GLTP: variants seen among roughly 807,000 people sequenced by gnomAD.
GLTP encodes the protein glycolipid transfer protein.
A neutral mutation model predicts 24.0 loss-of-function variants in GLTP; 22 were observed. The observed-to-expected ratio is 0.92, with a 90% CI of 0.65 to 1.31. The LOEUF (loss-of-function observed/expected upper bound fraction) is 1.31. GLTP is among the 50% of genes most tolerant of loss of function. The pLI is 0.00. For missense variants in GLTP, 224 were observed against 276.6 expected, an observed-to-expected ratio of 0.81 and a Z score of 1.35; for synonymous variants, 92 against 115.9, an observed-to-expected ratio of 0.79 and a Z score of 1.33.
intron 1 of GLTP, among the ~76,000 whole-genome samples, chr12:109,863,616 C>G (rs1868430381): frequency 6.6e-6 from 1 of 152,228 alleles, no homozygotes; most frequent in South Asian, 2.1e-4. Context: ...GTTTTAAACA[C>G]CTATCCAACC....
chr12:109,852,577 G>C lies in GLTP; in HGVS notation c.608C>G (p.Ala203Gly). The C allele has an allele frequency of 6.2e-7, 1 of 1,610,332 alleles. No homozygotes were observed. The highest frequency in any genetic ancestry group is 1.7e-5 in the Admixed American group (1 of 59,990). The change falls in exon 5 of 5, where the codon GCT becomes GGT. Residue 203 changes from alanine to glycine, a missense_variant. Coordinates refer to ENST00000318348, the MANE Select transcript of GLTP (RefSeq NM_016433.4). ...TGCCTACACCTTGTAGTTAAGCTCA[G>C]CGTTCATCTGGGTGTACATCTCGTA... The part of the protein sequence containing the change: ...VIYEMYTQMN[A>G]ELNYKV
chr12:109,866,827 A>G (rs1230028806), intron 1 of GLTP, among the ~76,000 whole-genome samples: 11 of 147,118 alleles, frequency 7.5e-5, no homozygotes, highest in African/African-American at 2.0e-4. Flanking sequence ...TGGCACAATC[A>G]TGGCTCATTG....
At chr12:109,874,128 T>C (rs1196532995) in intron 1 of GLTP, among the ~76,000 whole-genome samples, 1 of 152,152 alleles carries the variant, frequency 6.6e-6, no homozygotes, top group Non-Finnish European at 1.5e-5. Flanking sequence ...ACAGCAGGCA[T>C]GACAGCAAGA....
chr12:109,871,118 C>T (rs908614453), intron 1 of GLTP, among the ~76,000 whole-genome samples: 5 of 141,054 alleles, frequency 3.5e-5, no homozygotes, highest in Admixed American at 1.5e-4. Flanking sequence ...GACGGACTCT[C>T]GCTCTGTCCC....
chr12:109,876,675 G>A (rs904445758), intron 1 of GLTP, among the ~76,000 whole-genome samples: 1 of 151,432 alleles, frequency 6.6e-6, no homozygotes. Context: ...GAGGAAGGAA[G>A]GAAGGAAAAG....
At chr12:109,852,777 G>A (rs771909767) in intron 4 of GLTP, 40 bp from the exon 5 acceptor site, 13 of 1,404,976 alleles carry the variant, frequency 9.3e-6, no homozygotes, top group Admixed American at 3.5e-5. Flanking sequence ...CAGCGTTAGC[G>A]GGGGCTGAGG....
intron 1 of GLTP, among the ~76,000 whole-genome samples, chr12:109,873,787 C>T (rs550027010): frequency 5.9e-5 from 9 of 152,156 alleles, no homozygotes; most frequent in East Asian, 1.9e-4. Flanking sequence ...CCAGTCTGGG[C>T]GATGAAGCAA....
chr12:109,872,606 C>T (rs1868759417), intron 1 of GLTP, among the ~76,000 whole-genome samples: 1 of 152,198 alleles, frequency 6.6e-6, no homozygotes, highest in Admixed American at 6.5e-5. Context: ...GTGGGACCCA[C>T]CAGCACGGCA....
chr12:109,874,638 C>A (rs1035182452), intron 1 of GLTP, among the ~76,000 whole-genome samples: 1 of 150,972 alleles, frequency 6.6e-6, no homozygotes, highest in African/African-American at 2.5e-5. Context: ...ATAAAGATGC[C>A]GAGGCTGTGT....
chr12:109,873,189 A>AT (rs978963166), intron 1 of GLTP, among the ~76,000 whole-genome samples: 10 of 131,552 alleles, frequency 7.6e-5, no homozygotes, highest in African/African-American at 3.2e-4. Context: ...CTTTAAATTT[A>AT]AAAAAAAAAA....
rs994298781 is a variant in GLTP at position 109,855,203 on chromosome 12, C to T, written c.447+416G>A. On this transcript the variant is annotated intron_variant, in intron 4 of 4. Coordinates refer to ENST00000318348, the MANE Select transcript of GLTP (RefSeq NM_016433.4). This position sits in a 1 kb window ranked among gnomAD's most constrained non-coding sequence, Gnocchi z 4.1. ...ACAAGCCACCAAGAACCCAGAGGGC[C>T]GGTGTCCTTTCAGCAGATGCTCCCA... 2.0e-5 allele frequency among the ~76,000 whole-genome samples: 3 copies of T among 152,180 alleles called. No individual in the cohort carries two copies. The highest frequency in any genetic ancestry group is 4.4e-5 in the Non-Finnish European group (3 of 68,034).
intron 4 of GLTP, 89 bp from the exon 5 acceptor site, chr12:109,852,826 C>T (rs1892745037): frequency 1.3e-6 from 1 of 791,812 alleles, no homozygotes; most frequent in Admixed American, 2.0e-5. Flanking sequence ...AGGGGTCTTC[C>T]CTGGGTCTGT....
rs1312870838 is a variant in GLTP at position 109,855,479 on chromosome 12, C to T, written c.447+140G>A. The T allele has an allele frequency of 3.0e-6, 2 of 677,910 alleles. No homozygotes were observed. The highest frequency in any genetic ancestry group is 4.8e-6 in the Non-Finnish European group (2 of 420,696). The allele number at this position is 677,910 out of a possible 1,614,324, so 42.0% of individuals were successfully genotyped here. A position where few individuals can be genotyped will look rare whatever the true frequency, so the allele number is the denominator to read the frequency against. On this transcript the variant is annotated intron_variant, in intron 4 of 4. Transcript: ENST00000318348. The surrounding 1 kb of genome is among the most constrained non-coding windows in gnomAD (Gnocchi z 4.1). ...GACCTCTCAGTACACTAGCCTCACC[C>T]AAATAGATGAGGGAGCCCTTCCTGA...
chr12:109,871,837 C>T (rs1446884299), intron 1 of GLTP, among the ~76,000 whole-genome samples: 1 of 152,200 alleles, frequency 6.6e-6, no homozygotes, highest in Admixed American at 6.5e-5. Context: ...GCTGGGCGCC[C>T]ATGCTGCAGA....
rs141773921 is a variant in GLTP at position 109,867,197 on chromosome 12, G to A, written c.104-8456C>T. ...AGAGTCTCACTCTATAGCCCAAGCC[G>A]GAGTGCAGTGGAGCAATCTCGGCTC... On this transcript the variant is annotated intron_variant, in intron 1 of 4. Coordinates refer to ENST00000318348, the MANE Select transcript of GLTP (RefSeq NM_016433.4). Among the ~76,000 whole-genome samples, 853 of 151,656 alleles carry A rather than the reference G, an allele frequency of 5.6e-3. 5 individuals carry two copies. Among genetic ancestry groups the A allele is most frequent in the South Asian group, 0.02 (97 of 4,776 alleles).
chr12:109,876,641 A>G (rs1868891846), intron 1 of GLTP, among the ~76,000 whole-genome samples: 1 of 149,204 alleles, frequency 6.7e-6, no homozygotes, highest in African/African-American at 2.5e-5. Flanking sequence ...GGAAGAAAAG[A>G]AAGAAGGAAA....
chr12:109,879,165 C>A (rs181155576), intron 1 of GLTP, among the ~76,000 whole-genome samples: 3 of 152,298 alleles, frequency 2.0e-5, no homozygotes, highest in African/African-American at 7.2e-5. Context: ...CCCTAACAAG[C>A]CTTCTTTGCC....
In GLTP at chr12:109,855,534, C is replaced by CCT; in HGVS notation, c.447+84_447+85insAG. 1 of 1,273,388 alleles carries CCT rather than the reference C, an allele frequency of 7.9e-7. No homozygotes were observed. Among genetic ancestry groups the CCT allele is most frequent in the Non-Finnish European group, 1.1e-6 (1 of 922,460 alleles). The allele number at this position is 1,273,388 out of a possible 1,614,324, so 78.9% of individuals were successfully genotyped here. ...GAGGGGGTAAACACAGCCTCACAGG[C>CCT]CAGGAGGCCTCGGCTAAGCAGGGGC... On this transcript the variant is annotated intron_variant, in intron 4 of 4. Coordinates refer to ENST00000318348, the MANE Select transcript of GLTP (RefSeq NM_016433.4). This position sits in a 1 kb window ranked among gnomAD's most constrained non-coding sequence, Gnocchi z 4.1.
chr12:109,862,692 A>G (rs1221932554), intron 1 of GLTP, among the ~76,000 whole-genome samples: 3 of 152,114 alleles, frequency 2.0e-5, no homozygotes, highest in South Asian at 2.1e-4. Flanking sequence ...CAAGGCTGCA[A>G]TGAGCTATGA....
Sources: gnomAD v4.1 joint callset for allele counts (sites outside exome capture counted in the v4.1 genomes callset) on GRCh38, gnomAD v4.1.1 for gene constraint, Gnocchi (gnomAD v3.1) non-coding constraint, MANE v1.5 for transcripts, NCBI Gene and HGNC (gene_info 2026-07-23, HGNC 2026-07-21) for gene names.